WASHC4: variants seen among roughly 807,000 people sequenced by gnomAD.
The protein encoded by WASHC4 is WASH complex subunit 7.
In WASHC4, 86 loss-of-function variants were observed where a neutral mutation model predicts 166.6. The ratio of observed to expected loss-of-function variants is 0.52; its 90% confidence interval spans 0.43 to 0.62. The LOEUF is 0.62. Among genes scored for constraint, WASHC4 ranks in the 20% least tolerant of loss-of-function variants. The pLI, the probability that WASHC4 is intolerant of heterozygous loss-of-function variation, is 0.00. For missense variants in WASHC4, 1,262 were observed against 1,382.4 expected (o/e 0.91, Z 1.38); for synonymous variants, 446 against 451.6 (o/e 0.99, Z 0.16).
At chr12:105,112,840 A>G (rs1879821178) in intron 2 of WASHC4, among the ~76,000 whole-genome samples, 1 of 152,200 alleles carries the variant, frequency 6.6e-6, no homozygotes, top group Non-Finnish European at 1.5e-5. Flanking sequence ...CTCCATTTGT[A>G]AATGAGAAAA....
intron 10 of WASHC4, among the ~76,000 whole-genome samples, 199 bp downstream of exon 10, chr12:105,122,437 G>C (rs540389017): frequency 1.3e-5 from 2 of 150,870 alleles, no homozygotes; most frequent in East Asian, 3.9e-4. Flanking sequence ...AGTTGTATTT[G>C]GAGCAAGAGT....
intron 18 of WASHC4, among the ~76,000 whole-genome samples, chr12:105,142,123 G>A (rs1380402530): frequency 1.3e-5 from 2 of 151,640 alleles, no homozygotes; most frequent in Admixed American, 6.6e-5. Flanking sequence ...TTGAAAATGA[G>A]TTTGTTTTTA....
At chr12:105,156,861 T>TA in intron 27 of WASHC4, 69 bp downstream of exon 27, 1 of 1,072,182 alleles carries the variant, frequency 9.3e-7, no homozygotes, top group Non-Finnish European at 1.4e-6. Flanking sequence ...AAATATATGT[T>TA]ACAAGTGATA....
rs748670789 is a variant in WASHC4, at chr12:105,122,287, CAA to C, written c.786+51_786+52del. On this transcript the variant is annotated intron_variant, in intron 10 of 32. Transcript: ENST00000332180. Reference sequence around the variant, plus strand: ...TAACAGTGGGGCTCATATTAGACGACAAAGCTCAGAATTATAGTAGGACACTT... The same window carrying C: ...TAACAGTGGGGCTCATATTAGACGACAGCTCAGAATTATAGTAGGACACTT... The C allele has an allele frequency of 5.0e-6, 8 of 1,585,280 alleles. No homozygotes were observed. In the East Asian group the frequency reaches 1.8e-4, roughly 36 times the overall value.
At chr12:105,158,775 C>G (rs1464433092) in intron 28 of WASHC4, among the ~76,000 whole-genome samples, 1 of 152,136 alleles carries the variant, frequency 6.6e-6, no homozygotes, top group African/African-American at 2.4e-5. Context: ...TTAATAGATT[C>G]ATGCTAAAGC....
chr12:105,139,425 G>GTGTGTGTGTGTGTA lies in WASHC4; in HGVS notation c.1453-868_1453-867insGTGTGTGTGTGTAT. On this transcript the variant is annotated intron_variant, in intron 15 of 32. Coordinates refer to ENST00000332180, the MANE Select transcript of WASHC4 (RefSeq NM_015275.3). ...AGACAGACTATATATATGTGTGTGT[G>GTGTGTGTGTGTGTA]TATATATATATATATATATATATAT... Among the ~76,000 whole-genome samples, 325 of 103,200 alleles carry GTGTGTGTGTGTGTA rather than the reference G, an allele frequency of 3.1e-3. 2 individuals carry two copies. The highest frequency in any genetic ancestry group is 9.6e-3 in the South Asian group (26 of 2,698). The allele number at this position is 103,200 out of a possible 152,430, so 67.7% of individuals were successfully genotyped here.
chr12:105,118,293 T>TGAG (rs1880383443), intron 6 of WASHC4, among the ~76,000 whole-genome samples, 153 bp from the exon 7 acceptor site: 1 of 152,212 alleles, frequency 6.6e-6, no homozygotes, highest in African/African-American at 2.4e-5. Flanking sequence ...ATTGATTGCT[T>TGAG]GAGGGATGCT....
intron 27 of WASHC4, 51 bp from the exon 28 acceptor site, chr12:105,157,185 T>A (rs371617798): frequency 1.1e-6 from 1 of 902,132 alleles, no homozygotes; most frequent in Non-Finnish European, 1.9e-6. Context: ...TCTGTGTCAA[T>A]TGCACATATT....
At chr12:105,124,692 G>T (rs894546266) in intron 10 of WASHC4, among the ~76,000 whole-genome samples, 1 of 152,026 alleles carries the variant, frequency 6.6e-6, no homozygotes, top group Non-Finnish European at 1.5e-5. Flanking sequence ...TGTTGGCCAG[G>T]CTGGTCTCGA....
chr12:105,152,395 T>C lies in WASHC4; in HGVS notation c.2702T>C (p.Val901Ala). Reference protein sequence around the residue: ...KFNRGIRKLGVTPEGQSYLDQ... With the variant: ...KFNRGIRKLGATPEGQSYLDQ... ...AATCGAGGCATCAGAAAACTTGGAGTAACACCTGAGGGACAGAGCTACCTT... is the reference window on the plus strand; with the variant it reads ...AATCGAGGCATCAGAAAACTTGGAGCAACACCTGAGGGACAGAGCTACCTT... The change falls in exon 26 of 33, where the codon GTA (valine) becomes GCA (alanine). Residue 901 changes from valine (V) to alanine (A), a missense_variant. Physicochemically the swap from Val to Ala is moderately conservative, Grantham distance 64. Coordinates refer to ENST00000332180, the MANE Select transcript of WASHC4 (RefSeq NM_015275.3). 1 of 1,607,174 alleles carries C rather than the reference T, an allele frequency of 6.2e-7. No individual in the cohort carries two copies.
chr12:105,132,747 G>A (rs1017678343), intron 13 of WASHC4, among the ~76,000 whole-genome samples: 6 of 151,316 alleles, frequency 4.0e-5, no homozygotes, highest in African/African-American at 9.7e-5. Context: ...GGAGGTTGTA[G>A]TACCTGCCTC....
At chr12:105,127,531 G>A (rs2135754833) in intron 13 of WASHC4, among the ~76,000 whole-genome samples, 1 of 152,178 alleles carries the variant, frequency 6.6e-6, no homozygotes, top group South Asian at 2.1e-4. Flanking sequence ...TACATACATA[G>A]TTTTTATCAT....
intron 25 of WASHC4, among the ~76,000 whole-genome samples, chr12:105,150,230 TAG>T (rs1425123100): frequency 6.6e-6 from 1 of 152,250 alleles, no homozygotes; most frequent in African/African-American, 2.4e-5. Flanking sequence ...TTCAAGTTGA[TAG>T]GGATACATCC....
At chr12:105,151,138 T>A (rs1883730937) in intron 25 of WASHC4, among the ~76,000 whole-genome samples, 1 of 80,052 alleles carries the variant, frequency 1.2e-5, no homozygotes, top group African/African-American at 5.5e-5. Context: ...AGAGCAAGAC[T>A]CTGTCTCAAA....
chr12:105,149,552 T>A, intron 24 of WASHC4, 63 bp from the exon 25 acceptor site: 1 of 1,154,938 alleles, frequency 8.7e-7, no homozygotes, highest in Middle Eastern at 2.9e-4. Flanking sequence ...AAAATTTATT[T>A]GAATTGATTT....
intron 5 of WASHC4, 39 bp downstream of exon 5, chr12:105,115,268 T>C (rs753693299): frequency 5.6e-6 from 7 of 1,242,944 alleles, no homozygotes; most frequent in South Asian, 3.6e-5. Flanking sequence ...CTTTTTGATA[T>C]TGAAATGAAC....
rs547132315 is a variant in WASHC4, at chr12:105,107,977, C to T, written c.61+116C>T. ...CTGCGCAGCCGTCTGGTGCGGGACA[C>T]TTCAGAGCCCTTGGGGTGTGCGAGG... On this transcript the variant is annotated intron_variant, in intron 1 of 32. Transcript: ENST00000332180. The T allele has an allele frequency of 4.8e-5, 38 of 784,724 alleles. No individual in the cohort carries two copies. The African/African-American group carries it at 5.5e-4, about 11-fold the overall frequency. 48.6% of individuals were successfully genotyped at this position (784,724 alleles called of 1,614,324 possible).
rs202241193 is a variant in WASHC4, at chr12:105,122,128, T to C, written c.676T>C (p.Ser226Pro). ...TTAATTTTCCTCAAGGTTACTGAAA[T>C]CTGTCCATCACAATCCTTCAAAATT... ...HWTMYKRLLK[S>P]VHHNPSKFGI... is the part of the protein sequence containing the mutation. Residue 226 changes from serine (S) to proline (P), a missense_variant, in exon 10 of 33, where the codon TCT becomes CCT. Coordinates refer to ENST00000332180, the MANE Select transcript of WASHC4 (RefSeq NM_015275.3). 1.7e-4 allele frequency: 264 copies of C among 1,597,844 alleles called. 3 individuals carry two copies. Among genetic ancestry groups the C allele is most frequent in the Admixed American group, 1.4e-3 (81 of 59,942 alleles).
At chr12:105,148,596 A>G (rs1883498409) in intron 24 of WASHC4, 1 of 985,098 alleles carries the variant, frequency 1.0e-6, no homozygotes, top group South Asian at 4.7e-5. Context: ...AAAGACTGTT[A>G]AAGAGATTTT....
Sources: gnomAD v4.1 joint callset for allele counts (sites outside exome capture counted in the v4.1 genomes callset) on GRCh38, gnomAD v4.1.1 for gene constraint, MANE v1.5 for transcripts, NCBI Gene and HGNC (gene_info 2026-07-23, HGNC 2026-07-21) for gene names.